The following HS6ST2 variants were observed in gnomAD, a reference collection of about 807,000 sequenced individuals.
HS6ST2 encodes heparan-sulfate 6-O-sulfotransferase 2.
HS6ST2 carries 17 observed loss-of-function variants against 33.0 expected under a neutral mutation model. That is an observed-to-expected ratio of 0.52 (90% CI 0.35 to 0.77). HS6ST2 has a LOEUF of 0.77. HS6ST2 is among the 30% of genes least tolerant of loss of function. The pLI, the probability that HS6ST2 is intolerant of heterozygous loss-of-function variation, is 0.01. For synonymous variants in HS6ST2, 248 were observed against 237.1 expected, an observed-to-expected ratio of 1.05 and a Z score of -0.42; for missense variants, 519 against 551.7, an observed-to-expected ratio of 0.94 and a Z score of 0.59.
intron 3 of HS6ST2, among the ~76,000 whole-genome samples, chrX:132,677,160 A>G (rs1413776093): frequency 8.9e-6 from 1 of 112,458 alleles, no homozygotes; most frequent in Admixed American, 9.4e-5. Flanking sequence ...AGAGTAGGCC[A>G]GAAAATTCTC....
chrX:132,864,852 C>A lies in HS6ST2; in HGVS notation c.947+91956G>T, dbSNP rs187123561. On this transcript the variant is annotated intron_variant, in intron 2 of 4. Transcript: ENST00000370833. Reference sequence around the variant, plus strand: ...TGAAGGAAAAAAATGTTAAGGGCAGCCAGAAAGAAAGGTCGCGTTACCCAT... The same window carrying A: ...TGAAGGAAAAAAATGTTAAGGGCAGACAGAAAGAAAGGTCGCGTTACCCAT... 1.7e-3 allele frequency among the ~76,000 whole-genome samples: 190 copies of A among 111,230 alleles called. 2 individuals carry two copies. Among genetic ancestry groups the A allele is most frequent in the African/African-American group, 5.9e-3 (180 of 30,602 alleles).
intron 2 of HS6ST2, among the ~76,000 whole-genome samples, chrX:132,787,766 C>T (rs2065081457): frequency 9.2e-6 from 1 of 108,346 alleles, no homozygotes; most frequent in Non-Finnish European, 1.9e-5. Flanking sequence ...TGGTACATGC[C>T]TGTAATGCCA....
chrX:132,798,511 T>C (rs2065206801), intron 2 of HS6ST2, among the ~76,000 whole-genome samples: 1 of 111,803 alleles, frequency 8.9e-6, no homozygotes, highest in Admixed American at 9.5e-5. Flanking sequence ...TATTACTCAT[T>C]CAGGCTTCAC....
At chrX:132,862,055 A>G (rs896805626) in intron 2 of HS6ST2, among the ~76,000 whole-genome samples, 1 of 112,116 alleles carries the variant, frequency 8.9e-6, no homozygotes, top group Non-Finnish European at 1.9e-5. Context: ...CATACAATAT[A>G]CTAGGTTGGG....
Position 132,957,328 on chromosome X carries a change from T to C in HS6ST2, c.429-2A>G. The C allele has an allele frequency of 1.7e-6, 2 of 1,154,384 alleles. No homozygotes were observed. Among genetic ancestry groups the C allele is most frequent in the Non-Finnish European group, 2.3e-6 (2 of 866,435 alleles). ...GATTTCTCATCCATGTTCCCGACGC[T>C]GGGGGAAACCCAAGCTCGTTACGTC... On this transcript the variant is annotated splice_acceptor_variant, in intron 1 of 4. Coordinates refer to ENST00000370833, the MANE Select transcript of HS6ST2 (RefSeq NM_001394073.1). LOFTEE classifies it high-confidence loss of function.
At chrX:132,637,951 A>AATATTATATATAATATTTTATATAT (rs2063574259) in intron 4 of HS6ST2, among the ~76,000 whole-genome samples, 1 of 68,243 alleles carries the variant, frequency 1.5e-5, no homozygotes, top group Non-Finnish European at 2.6e-5. Context: ...TTTTATATAT[A>AATATTATATATAATATTTTATATAT]ATATATATAA....
chrX:132,710,309 A>T (rs1203623826), intron 2 of HS6ST2, among the ~76,000 whole-genome samples: 1 of 111,607 alleles, frequency 9.0e-6, no homozygotes, highest in African/African-American at 3.3e-5. Context: ...AATTTTAAGA[A>T]CCCATTTTAT....
rs1273604164 is a variant in HS6ST2, at chrX:132,907,184, T to C, written c.947+49624A>G. 2.7e-5 allele frequency: 3 copies of C among 112,303 alleles called. No homozygotes were observed. The East Asian group carries it at 8.4e-4, about 31-fold the overall frequency. The allele number at this position is 112,303 out of a possible 1,213,427, so 9.3% of individuals were successfully genotyped here. A position where few individuals can be genotyped will look rare whatever the true frequency, so the allele number is the denominator to read the frequency against. ...AATTACCCAGCTTCAGTTTCCTTTA[T>C]AGCAACATAAATGGACTAAGACACT... On this transcript the variant is annotated intron_variant, in intron 2 of 4. Coordinates refer to ENST00000370833, the MANE Select transcript of HS6ST2 (RefSeq NM_001394073.1).
At chrX:132,887,692 T>C (rs1202695293) in intron 2 of HS6ST2, among the ~76,000 whole-genome samples, 3 of 112,332 alleles carry the variant, frequency 2.7e-5, no homozygotes, top group Non-Finnish European at 5.6e-5. Context: ...CACAAAGAGC[T>C]GTATACAAAT....
intron 2 of HS6ST2, among the ~76,000 whole-genome samples, chrX:132,937,948 G>A (rs749341551): frequency 9.1e-6 from 1 of 109,302 alleles, no homozygotes; most frequent in African/African-American, 3.4e-5. Context: ...GACCTCCTGA[G>A]CGCAGGAGTT....
At chrX:132,681,023 C>A (rs974186973) in intron 3 of HS6ST2, among the ~76,000 whole-genome samples, 190 of 108,149 alleles carry the variant, frequency 1.8e-3, no homozygotes, top group Middle Eastern at 9.3e-3. Context: ...AAAAAAAAGT[C>A]TTGTGTTTTG....
In HS6ST2 at chrX:132,904,693, A is replaced by ATT. The variant is rs57637718; in HGVS notation, c.947+52113_947+52114dup. Among the ~76,000 whole-genome samples, 88 of 94,926 alleles carry ATT rather than the reference A, an allele frequency of 9.3e-4. 1 individual carries two copies. The highest frequency in any genetic ancestry group is 1.4e-3 in the Non-Finnish European group (67 of 47,746). The allele number at this position is 94,926 out of a possible 115,157, so 82.4% of individuals were successfully genotyped here. A position where few individuals can be genotyped will look rare whatever the true frequency, so the allele number is the denominator to read the frequency against. On this transcript the variant is annotated intron_variant, in intron 2 of 4. Coordinates refer to ENST00000370833, the MANE Select transcript of HS6ST2 (RefSeq NM_001394073.1). The stretch of plus-strand genomic sequence containing the variant: ...CAGGCCCACACCACCAGGCCCAGCT[A>ATT]TTTTTTTTTTTTTTGTAAAGACAGA...
At chrX:132,850,672 A>G (rs780962228) in intron 2 of HS6ST2, among the ~76,000 whole-genome samples, 153 of 110,961 alleles carry the variant, frequency 1.4e-3, no homozygotes, top group Non-Finnish European at 2.3e-3. Flanking sequence ...ATGTATGAAC[A>G]TAATTTACTT....
chrX:132,825,782 A>G (rs1397489369), intron 2 of HS6ST2, among the ~76,000 whole-genome samples: 1 of 110,920 alleles, frequency 9.0e-6, no homozygotes, highest in Non-Finnish European at 1.9e-5. Flanking sequence ...ATATAGTCCA[A>G]CTCTCTTTAA....
At chrX:132,950,718 G>A (rs1269056660) in intron 2 of HS6ST2, among the ~76,000 whole-genome samples, 1 of 112,053 alleles carries the variant, frequency 8.9e-6, no homozygotes, top group Non-Finnish European at 1.9e-5. Context: ...GCTCGTGAGA[G>A]TTCTTTGTAC....
chrX:132,735,187 T>C (rs1451120169), intron 2 of HS6ST2: 2 of 112,175 alleles, frequency 1.8e-5, no homozygotes, highest in Non-Finnish European at 3.8e-5. Context: ...GTCAATATTC[T>C]GAATCAGTTG....
chrX:132,836,353 T>C (rs752268648), intron 2 of HS6ST2, among the ~76,000 whole-genome samples: 3 of 112,524 alleles, frequency 2.7e-5, no homozygotes, highest in Non-Finnish European at 3.8e-5. Context: ...CATGTGTAAT[T>C]TACAATCTAT....
intron 2 of HS6ST2, among the ~76,000 whole-genome samples, chrX:132,864,755 G>C (rs1246212605): frequency 4.5e-5 from 5 of 109,963 alleles, no homozygotes; most frequent in Admixed American, 2.0e-4. Context: ...GAAATACAGA[G>C]AACACCACAA....
intron 2 of HS6ST2, among the ~76,000 whole-genome samples, chrX:132,741,016 A>G (rs2064569157): frequency 1.8e-5 from 2 of 112,125 alleles, no homozygotes; most frequent in South Asian, 3.7e-4. Flanking sequence ...AATTTGATTT[A>G]CCTTTTTGTG....
Sources: allele counts gnomAD v4.1 joint callset (sites outside exome capture counted in the v4.1 genomes callset), GRCh38; gene constraint gnomAD v4.1.1; transcripts MANE v1.5; gene names NCBI Gene and HGNC (gene_info 2026-07-23, HGNC 2026-07-21).